ABCD3: variants seen among roughly 807,000 people sequenced by gnomAD.
ABCD3 encodes the protein ATP binding cassette subfamily D member 3.
A neutral mutation model predicts 105.5 loss-of-function variants in ABCD3; 41 were observed. The observed-to-expected ratio is 0.39, with a 90% CI of 0.30 to 0.50. The LOEUF is 0.50. ABCD3 is among the 20% of genes least tolerant of loss of function. The pLI is 0.84. For synonymous variants in ABCD3, 258 were observed against 269.0 expected (o/e 0.96, Z 0.40); for missense variants, 622 against 806.3 (o/e 0.77, Z 2.77).
chr1:94,444,272 C>T lies in ABCD3; in HGVS notation c.111-14335C>T, dbSNP rs374412134. On this transcript the variant is annotated intron_variant, in intron 1 of 22. Transcript: ENST00000370214. ...GCTTGAACCTGGGAGGCGGAGGTTGCATTGAGCCAGGATTGTGCCACTGTA... is the reference window on the plus strand; with the variant it reads ...GCTTGAACCTGGGAGGCGGAGGTTGTATTGAGCCAGGATTGTGCCACTGTA... 4.2e-5 allele frequency among the ~76,000 whole-genome samples: 6 copies of T among 143,376 alleles called. No homozygotes were observed. In the East Asian group the frequency reaches 1.2e-3, roughly 29 times the overall value. The allele number at this position is 143,376 out of a possible 152,430, so 94.1% of individuals were successfully genotyped here. A position where few individuals can be genotyped will look rare whatever the true frequency, so the allele number is the denominator to read the frequency against.
intron 8 of ABCD3, among the ~76,000 whole-genome samples, chr1:94,479,972 CA>C (rs1267702688): frequency 6.6e-6 from 1 of 151,812 alleles, no homozygotes; most frequent in Non-Finnish European, 1.5e-5. Context: ...GAGGCATCTG[CA>C]CAGTATTAAG....
intron 1 of ABCD3, among the ~76,000 whole-genome samples, chr1:94,447,823 T>C (rs1203891555): frequency 2.0e-5 from 3 of 152,238 alleles, no homozygotes; most frequent in Non-Finnish European, 4.4e-5. Context: ...AAAGTAGCCA[T>C]ACGTAGGGAT....
intron 2 of ABCD3, among the ~76,000 whole-genome samples, chr1:94,459,062 T>C (rs1371555903): frequency 1.3e-5 from 2 of 150,490 alleles, no homozygotes; most frequent in Non-Finnish European, 3.0e-5. Flanking sequence ...AATTTTCTTT[T>C]TACCAACCAG....
At chr1:94,497,648 A>G (rs1320515862) in intron 16 of ABCD3, among the ~76,000 whole-genome samples, 1 of 152,210 alleles carries the variant, frequency 6.6e-6, no homozygotes, top group African/African-American at 2.4e-5. Context: ...TTTATAGTGC[A>G]CATATATTTT....
chr1:94,458,474 GT>G (rs1647698598), intron 1 of ABCD3, 132 bp from the exon 2 acceptor site: 2 of 788,056 alleles, frequency 2.5e-6, no homozygotes, highest in Non-Finnish European at 4.3e-6. Flanking sequence ...TATTTAATAT[GT>G]TCTATCTCAC....
At chr1:94,487,411 A>G (rs1649327034) in intron 10 of ABCD3, 131 bp from the exon 11 acceptor site, 3 of 837,370 alleles carry the variant, frequency 3.6e-6, no homozygotes, top group Admixed American at 4.1e-5. Context: ...TAAACAGAAT[A>G]TAAACAGAAA....
intron 21 of ABCD3, among the ~76,000 whole-genome samples, chr1:94,510,804 G>A (rs904632495): frequency 6.6e-6 from 1 of 152,072 alleles, no homozygotes; most frequent in Non-Finnish European, 1.5e-5. Context: ...CAGAGGCTAG[G>A]ATCACAACCC....
intron 10 of ABCD3, among the ~76,000 whole-genome samples, chr1:94,487,252 T>C (rs540999678): frequency 1.6e-4 from 24 of 152,352 alleles, no homozygotes; most frequent in African/African-American, 5.5e-4. Flanking sequence ...GTGACTACAA[T>C]AGCATTGTGC....
At chr1:94,456,441 AT>A (rs1203656522) in intron 1 of ABCD3, among the ~76,000 whole-genome samples, 81 of 142,348 alleles carry the variant, frequency 5.7e-4, no homozygotes, top group Admixed American at 9.9e-4. Context: ...ACACTGGACT[AT>A]TTTTTTTTTT....
At chr1:94,496,454 TG>T (rs1649804053) in intron 16 of ABCD3, among the ~76,000 whole-genome samples, 5 of 23,052 alleles carry the variant, frequency 2.2e-4, no homozygotes, top group Non-Finnish European at 1.1e-3. Context: ...CATTTCATTG[TG>T]TGTGTGTGTG....
At chr1:94,397,376 T>G in the ABCD3 span, among the ~76,000 whole-genome samples, 1 of 152,214 alleles carries the variant, frequency 6.6e-6, no homozygotes, top group African/African-American at 2.4e-5. Context: ...CCGCTGTGAC[T>G]CCTCAGCCTC....
chr1:94,511,898 C>CT (rs1650690725), intron 21 of ABCD3, among the ~76,000 whole-genome samples: 2 of 151,964 alleles, frequency 1.3e-5, no homozygotes, highest in African/African-American at 4.8e-5. Flanking sequence ...TTCTTCTAAA[C>CT]TTTTTTCAAA....
intron 4 of ABCD3, among the ~76,000 whole-genome samples, chr1:94,469,009 A>T (rs114145619): frequency 0.013 from 1,958 of 152,312 alleles, 19 homozygotes; most frequent in Non-Finnish European, 0.02. Context: ...ATTTTAATCA[A>T]AGTAATATAT....
the ABCD3 span, among the ~76,000 whole-genome samples, chr1:94,403,260 A>G: frequency 1.3e-5 from 2 of 152,118 alleles, no homozygotes; most frequent in Admixed American, 6.5e-5. Flanking sequence ...GGAATCTTGC[A>G]TAGGAGATGT....
At chr1:94,440,192 T>C (rs1660080849) in intron 1 of ABCD3, among the ~76,000 whole-genome samples, 1 of 152,280 alleles carries the variant, frequency 6.6e-6, no homozygotes, top group South Asian at 2.1e-4. Context: ...ACTTTGATAC[T>C]ATCCCATTGT....
chr1:94,514,099 A>G (rs1374505026), intron 21 of ABCD3: 1 of 152,040 alleles, frequency 6.6e-6, no homozygotes, highest in Non-Finnish European at 1.5e-5. Context: ...AAATTAAGAA[A>G]CCATGGTGGA....
chr1:94,464,659 TA>T, intron 2 of ABCD3, 115 bp from the exon 3 acceptor site: 1 of 898,132 alleles, frequency 1.1e-6, no homozygotes, highest in South Asian at 1.4e-5. Flanking sequence ...CTGTGTTTTG[TA>T]AATTCAGTTT....
At chr1:94,501,181 A>C (rs1650075297) in intron 20 of ABCD3, among the ~76,000 whole-genome samples, 1 of 151,746 alleles carries the variant, frequency 6.6e-6, no homozygotes, top group South Asian at 2.1e-4. Context: ...GAATCACTTC[A>C]ACCCGGGAGG....
chr1:94,497,818 A>G lies in ABCD3; in HGVS notation c.1387-784A>G, dbSNP rs560684884. On this transcript the variant is annotated intron_variant, in intron 16 of 22. Transcript: ENST00000370214. ...CCAAAGGGGAGTGTTTAAATAAGTT[A>G]TAGTATATCCTTACTATGGAAGATG... is the stretch of plus-strand genomic sequence containing the variant. Among the ~76,000 whole-genome samples, 136 of 152,310 alleles carry G rather than the reference A, an allele frequency of 8.9e-4. 1 individual carries two copies. The highest frequency in any genetic ancestry group is 3.1e-3 in the African/African-American group (127 of 41,564).
Sources: allele counts gnomAD v4.1 joint callset (sites outside exome capture counted in the v4.1 genomes callset), GRCh38; gene constraint gnomAD v4.1.1; transcripts MANE v1.5; gene names NCBI Gene and HGNC (gene_info 2026-07-23, HGNC 2026-07-21).